IFT140: variants seen among roughly 807,000 people sequenced by gnomAD.
IFT140 encodes intraflagellar transport protein 140 homolog.
Under a neutral mutation model 164.6 loss-of-function variants are expected in IFT140, and 133 were observed. The observed-to-expected ratio is 0.81, with a 90% CI of 0.70 to 0.93. The LOEUF (loss-of-function observed/expected upper bound fraction) is 0.93. Among genes scored for constraint, IFT140 ranks in the 40% least tolerant of loss-of-function variants. IFT140 has a pLI of 0.00. For missense variants in IFT140, 2,045 were observed against 1,972.3 expected, an observed-to-expected ratio of 1.04 and a Z score of -0.70; for synonymous variants, 860 against 817.3, an observed-to-expected ratio of 1.05 and a Z score of -0.89.
intron 2 of IFT140, among the ~76,000 whole-genome samples, chr16:1,609,783 A>G (rs2036248824): frequency 6.6e-6 from 1 of 152,206 alleles, no homozygotes. Context: ...AGGAGGAGAG[A>G]TGGCTGACAA....
At position 1,607,306 on chromosome 16, in the gene IFT140, A is replaced by G. The variant is rs752197811; in HGVS notation, c.-31-9T>C. On this transcript the variant is annotated splice_polypyrimidine_tract_variant and intron_variant, in intron 2 of 30. Coordinates refer to ENST00000426508, the MANE Select transcript of IFT140 (RefSeq NM_014714.4). ...CTCCTCAGCGCTGAAACCTGCAGGG[A>G]AAAAAAAATGACCAAGTCCAATCAG... is the stretch of plus-strand genomic sequence containing the variant. 1.1e-5 allele frequency: 16 copies of G among 1,476,448 alleles called. No individual in the cohort carries two copies. The highest frequency in any genetic ancestry group is 1.9e-4 in the Middle Eastern group (1 of 5,284). The allele number at this position is 1,476,448 out of a possible 1,614,324, so 91.5% of individuals were successfully genotyped here.
At chr16:1,552,518 A>G (rs755268224) in intron 19 of IFT140, among the ~76,000 whole-genome samples, 2 of 152,098 alleles carry the variant, frequency 1.3e-5, no homozygotes, top group Admixed American at 6.6e-5. Flanking sequence ...TTCCTCACAC[A>G]CAACACAGGC....
At chr16:1,541,819 C>A (rs2031669526) in intron 19 of IFT140, 2 of 1,401,280 alleles carry the variant, frequency 1.4e-6, no homozygotes, top group African/African-American at 2.9e-5. Flanking sequence ...GTGCCGACCG[C>A]CCTTTCCGAG....
chr16:1,602,313 G>A (rs905086633), intron 4 of IFT140, 57 bp downstream of exon 4: 40 of 1,461,486 alleles, frequency 2.7e-5, no homozygotes, highest in Non-Finnish European at 3.5e-5. Flanking sequence ...TCATACTCTC[G>A]AGCATGGTCA....
rs770458439 is a variant in IFT140, at chr16:1,520,697, G to A, written c.3565C>T (p.Arg1189Trp). ...TCTGCTATCTGCTCCAGCAGCTCCCGCCGCGACTCCTCAGGCAGGTCCGAG... is the reference window on the plus strand; with the variant it reads ...TCTGCTATCTGCTCCAGCAGCTCCCACCGCGACTCCTCAGGCAGGTCCGAG... ...DSSDLPEESR[R>W]ELLEQIADCC... The change falls in exon 27 of 31, where the codon CGG (arginine) becomes TGG (tryptophan). Residue 1189 changes from arginine to tryptophan, a missense_variant. By Grantham distance (101) the Arg-to-Trp change is moderately radical. Coordinates refer to ENST00000426508, the MANE Select transcript of IFT140 (RefSeq NM_014714.4). 9 of 1,611,018 alleles carry A rather than the reference G, an allele frequency of 5.6e-6. No homozygotes were observed. The highest frequency in any genetic ancestry group is 3.3e-5 in the South Asian group (3 of 90,452).
intron 30 of IFT140, among the ~76,000 whole-genome samples, chr16:1,517,039 A>G (rs2040375239): frequency 6.6e-6 from 1 of 152,192 alleles, no homozygotes; most frequent in African/African-American, 2.4e-5. Flanking sequence ...TGTATATACA[A>G]GTCATTGGAA....
intron 19 of IFT140, among the ~76,000 whole-genome samples, chr16:1,552,345 C>G (rs1157867349): frequency 1.3e-5 from 2 of 152,136 alleles, no homozygotes; most frequent in Non-Finnish European, 2.9e-5. Flanking sequence ...CGCCCCACCC[C>G]TCCCGCTCGC....
rs776729281 is a variant in IFT140 at position 1,551,892 on chromosome 16, C to T, written c.2399+6043G>A. Among the ~76,000 whole-genome samples the T allele has an allele frequency of 5.3e-5, 8 of 152,144 alleles. No homozygotes were observed. Among genetic ancestry groups the T allele is most frequent in the Non-Finnish European group, 1.2e-4 (8 of 68,032 alleles). ...AAAGCCACTGTAAATCCGAGCTGTG[C>T]ACTCAGAAGCCTCCCGGGTGTGTCC... On this transcript the variant is annotated intron_variant, in intron 19 of 30. Coordinates refer to ENST00000426508, the MANE Select transcript of IFT140 (RefSeq NM_014714.4). The surrounding 1 kb of genome is among the most constrained non-coding windows in gnomAD (Gnocchi z 4.0).
intron 19 of IFT140, among the ~76,000 whole-genome samples, chr16:1,544,738 T>C (rs547108425): frequency 2.0e-5 from 3 of 151,670 alleles, no homozygotes; most frequent in Non-Finnish European, 4.4e-5. Flanking sequence ...AAGCTCCGCC[T>C]CCCGGGTTCA....
At chr16:1,591,773 C>T (rs1322435102) in intron 6 of IFT140, among the ~76,000 whole-genome samples, 1 of 152,208 alleles carries the variant, frequency 6.6e-6, no homozygotes, top group African/African-American at 2.4e-5. Flanking sequence ...GCCCTGCTCA[C>T]ACCTCATTCC....
intron 13 of IFT140, chr16:1,578,191 AC>A (rs949840576): frequency 2.0e-5 from 3 of 151,828 alleles, no homozygotes; most frequent in Admixed American, 6.6e-5. Flanking sequence ...AGAGGGGCCC[AC>A]CCGCTTCCGT....
chr16:1,559,899 G>A (rs746159195), intron 18 of IFT140, among the ~76,000 whole-genome samples: 10 of 152,252 alleles, frequency 6.6e-5, no homozygotes, highest in Non-Finnish European at 1.5e-4. Flanking sequence ...TTACGACTGC[G>A]TCATACACGC....
intron 14 of IFT140, among the ~76,000 whole-genome samples, chr16:1,570,221 T>G (rs895325504): frequency 6.6e-6 from 1 of 152,168 alleles, no homozygotes; most frequent in Non-Finnish European, 1.5e-5. Context: ...GCACCAGGTG[T>G]GCCTGCTGGG....
intron 19 of IFT140, chr16:1,541,361 G>A (rs1267540417): frequency 1.0e-6 from 1 of 985,456 alleles, no homozygotes; most frequent in Non-Finnish European, 1.2e-6. Context: ...GGGCCCAGAT[G>A]AGCTGCTTCT....
intron 10 of IFT140, among the ~76,000 whole-genome samples, chr16:1,584,863 T>C (rs567553515): frequency 2.6e-5 from 4 of 152,236 alleles, no homozygotes; most frequent in African/African-American, 9.6e-5. Context: ...TATCTAAAAA[T>C]AAATAAAGAC....
intron 15 of IFT140, 101 bp downstream of exon 15, chr16:1,568,116 G>T: frequency 1.3e-6 from 1 of 786,792 alleles, no homozygotes; most frequent in South Asian, 1.5e-5. Context: ...AGGACAGGAA[G>T]ACTTGCACAG....
At chr16:1,541,337 T>G in intron 19 of IFT140, 1 of 985,352 alleles carries the variant, frequency 1.0e-6, no homozygotes, top group South Asian at 4.7e-5. Context: ...GCTCAGCCCC[T>G]TGCTGGTTAT....
intron 19 of IFT140, among the ~76,000 whole-genome samples, chr16:1,527,644 T>A (rs1442256341): frequency 6.6e-6 from 1 of 152,178 alleles, no homozygotes; most frequent in African/African-American, 2.4e-5. Context: ...CAATCACAGC[T>A]CATTCCAGCC....
At position 1,548,438 on chromosome 16, in the gene IFT140, T is replaced by C. The variant is rs946402875; in HGVS notation, c.2399+9497A>G. 2.6e-5 allele frequency among the ~76,000 whole-genome samples: 4 copies of C among 152,240 alleles called. 1 individual carries two copies. The highest frequency in any genetic ancestry group is 1.3e-4 in the Admixed American group (2 of 15,284). On this transcript the variant is annotated intron_variant, in intron 19 of 30. Transcript: ENST00000426508. ...TGGGCTGCAGAGCTGTAATTCACAC[T>C]GTCCGGGCGGCTCACAGGAAGAGGT...
Sources: gnomAD v4.1 joint callset for allele counts (sites outside exome capture counted in the v4.1 genomes callset) on GRCh38, gnomAD v4.1.1 for gene constraint, Gnocchi (gnomAD v3.1) non-coding constraint, MANE v1.5 for transcripts, NCBI Gene and HGNC (gene_info 2026-07-23, HGNC 2026-07-21) for gene names.